MECOM: variants seen among roughly 807,000 people sequenced by gnomAD.
The protein encoded by MECOM is histone-lysine N-methyltransferase MECOM.
Under a neutral mutation model 116.3 loss-of-function variants are expected in MECOM, and 13 were observed. The observed-to-expected ratio is 0.11, with a 90% confidence interval of 0.07 to 0.18. The LOEUF is 0.18. Among genes scored for constraint, MECOM ranks in the 10% least tolerant of loss-of-function variants. MECOM has a pLI of 1.00. For synonymous variants in MECOM, 528 were observed against 535.2 expected (o/e 0.99, Z 0.19); for missense variants, 1,299 against 1,509.0 (o/e 0.86, Z 2.31).
intron 1 of MECOM, among the ~76,000 whole-genome samples, chr3:169,632,530 G>T (rs1395958425): frequency 1.3e-5 from 2 of 152,026 alleles, no homozygotes; most frequent in East Asian, 3.9e-4. Flanking sequence ...TTTACACATG[G>T]GCTAACTCAC....
intron 1 of MECOM, among the ~76,000 whole-genome samples, chr3:169,491,156 C>G (rs913400809): frequency 6.6e-6 from 1 of 152,044 alleles, no homozygotes; most frequent in Non-Finnish European, 1.5e-5. Context: ...TATGCCCAGT[C>G]TGAAACATTT....
At chr3:169,165,422 T>C (rs191196354) in intron 2 of MECOM, among the ~76,000 whole-genome samples, 57 of 152,256 alleles carry the variant, frequency 3.7e-4, no homozygotes, top group Admixed American at 5.9e-4. Context: ...AGTCTATGTT[T>C]TTCATCACTA....
intron 2 of MECOM, among the ~76,000 whole-genome samples, chr3:169,159,747 T>C (rs1029460974): frequency 6.6e-6 from 1 of 152,144 alleles, no homozygotes; most frequent in African/African-American, 2.4e-5. Flanking sequence ...GGATAGTGAC[T>C]AACAACACAG....
intron 2 of MECOM, among the ~76,000 whole-genome samples, chr3:169,297,210 G>A (rs80317427): frequency 0.014 from 2,180 of 152,252 alleles, 42 homozygotes; most frequent in East Asian, 0.072. Context: ...GAGAAAACAA[G>A]TACACTGATA....
At chr3:169,553,781 T>C (rs1428531631) in intron 1 of MECOM, among the ~76,000 whole-genome samples, 1 of 152,232 alleles carries the variant, frequency 6.6e-6, no homozygotes, top group Non-Finnish European at 1.5e-5. Context: ...CTATTCTCTG[T>C]GTGTACACAC....
intron 1 of MECOM, among the ~76,000 whole-genome samples, chr3:169,633,519 T>C (rs1368485730): frequency 3.3e-5 from 5 of 152,134 alleles, no homozygotes; most frequent in Non-Finnish European, 7.3e-5. Context: ...AACAAAAGGT[T>C]CTTGGAGGGT....
chr3:169,411,669 C>T (rs1403748671), intron 1 of MECOM, among the ~76,000 whole-genome samples: 2 of 152,234 alleles, frequency 1.3e-5, no homozygotes, highest in Non-Finnish European at 2.9e-5. Flanking sequence ...GGCCAGGTGC[C>T]ATCCACACCT....
At chr3:169,582,567 G>T (rs1343348251) in intron 1 of MECOM, among the ~76,000 whole-genome samples, 1 of 152,122 alleles carries the variant, frequency 6.6e-6, no homozygotes, top group East Asian at 1.9e-4. Flanking sequence ...CCTCACACAG[G>T]TTAAGTATCC....
intron 2 of MECOM, among the ~76,000 whole-genome samples, chr3:169,255,796 C>T (rs1293026953): frequency 2.6e-5 from 4 of 152,142 alleles, no homozygotes; most frequent in Non-Finnish European, 2.9e-5. Flanking sequence ...ACTGCCAAGA[C>T]GATGTTCCAC....
rs564212028 is a variant in MECOM, at chr3:169,570,436, C to G, written c.37+92900G>C. Reference sequence around the variant, plus strand: ...CAAAGAGGAGCTCATACCATTCCTTCTGAAACTATTCCAAACAATGGAAAA... The same window carrying G: ...CAAAGAGGAGCTCATACCATTCCTTGTGAAACTATTCCAAACAATGGAAAA... On this transcript the variant is annotated intron_variant, in intron 1 of 16. Coordinates refer to ENST00000651503, the MANE Select transcript of MECOM (RefSeq NM_004991.4). Among the ~76,000 whole-genome samples the G allele has an allele frequency of 8.9e-4, 135 of 152,282 alleles. 1 individual carries two copies. The South Asian group carries it at 0.01, about 12-fold the overall frequency.
At chr3:169,089,979 A>C in intron 15 of MECOM, 21 bp downstream of exon 15, 1 of 1,604,370 alleles carries the variant, frequency 6.2e-7, no homozygotes. Context: ...CTTAGTTTCT[A>C]AAGTCACCCA....
At chr3:169,368,938 C>A (rs1033544024) in intron 2 of MECOM, among the ~76,000 whole-genome samples, 1 of 151,910 alleles carries the variant, frequency 6.6e-6, no homozygotes, top group Non-Finnish European at 1.5e-5. Flanking sequence ...GTTTCCTAAC[C>A]GGAAGACAAA....
Position 169,606,704 on chromosome 3 carries a change from C to T in MECOM, c.37+56632G>A, listed in dbSNP as rs140670716. 3.0e-3 allele frequency among the ~76,000 whole-genome samples: 458 copies of T among 152,284 alleles called. 2 individuals are homozygous for T. The highest frequency in any genetic ancestry group is 0.011 in the African/African-American group (437 of 41,556). On this transcript the variant is annotated intron_variant, in intron 1 of 16. Coordinates refer to ENST00000651503, the MANE Select transcript of MECOM (RefSeq NM_004991.4). ...ACATTCAGGGTTCCAGATTCCTCCT[C>T]GCTTATTGCTCTGCCATCTCCTAGG...
chr3:169,649,755 G>A (rs371397310), intron 1 of MECOM, among the ~76,000 whole-genome samples: 1 of 152,080 alleles, frequency 6.6e-6, no homozygotes, highest in Non-Finnish European at 1.5e-5. Context: ...AAAAAAGTAC[G>A]CATTTGAAAC....
intron 1 of MECOM, among the ~76,000 whole-genome samples, chr3:169,645,296 T>G (rs200058066): frequency 9.2e-6 from 1 of 108,798 alleles, no homozygotes; most frequent in Non-Finnish European, 1.8e-5. Context: ...AGTAGACAGA[T>G]GTATTTTTTT....
chr3:169,110,901 G>A (rs924014305), intron 9 of MECOM, among the ~76,000 whole-genome samples: 1 of 152,156 alleles, frequency 6.6e-6, no homozygotes, highest in East Asian at 1.9e-4. Flanking sequence ...AGGAATGACT[G>A]CTATGCTCGA....
intron 1 of MECOM, among the ~76,000 whole-genome samples, chr3:169,606,068 C>T (rs1051950960): frequency 6.6e-6 from 1 of 152,054 alleles, no homozygotes; most frequent in African/African-American, 2.4e-5. Flanking sequence ...AGCCCAGATG[C>T]CTTATGGTTA....
At chr3:169,527,947 A>C (rs950098355) in intron 1 of MECOM, among the ~76,000 whole-genome samples, 3 of 152,170 alleles carry the variant, frequency 2.0e-5, no homozygotes, top group Non-Finnish European at 4.4e-5. Flanking sequence ...TTTGATGTGC[A>C]TACTTAGGCG....
chr3:169,445,100 C>A (rs1744396769), intron 1 of MECOM, among the ~76,000 whole-genome samples: 1 of 152,176 alleles, frequency 6.6e-6, no homozygotes. Flanking sequence ...AGAAAATTTG[C>A]AGCCTGATGA....
Sources: allele counts gnomAD v4.1 joint callset (sites outside exome capture counted in the v4.1 genomes callset), GRCh38; gene constraint gnomAD v4.1.1; transcripts MANE v1.5; gene names NCBI Gene and HGNC (gene_info 2026-07-23, HGNC 2026-07-21).